Variants in SPATS2 observed in about 807,000 individuals in gnomAD.
SPATS2 encodes spermatogenesis associated serine rich 2.
A neutral mutation model predicts 63.7 loss-of-function variants in SPATS2; 38 were observed. The ratio of observed to expected loss-of-function variants is 0.60; its 90% CI spans 0.46 to 0.78. SPATS2 has a LOEUF of 0.78. Among genes scored for constraint, SPATS2 ranks in the 30% least tolerant of loss-of-function variants. SPATS2 has a pLI of 0.00. For synonymous variants in SPATS2, 207 were observed against 232.9 expected, an observed-to-expected ratio of 0.89 and a Z score of 1.01; for missense variants, 588 against 666.2, an observed-to-expected ratio of 0.88 and a Z score of 1.29.
At chr12:49,486,237 C>T in intron 4 of SPATS2, 1 of 453,166 alleles carries the variant, frequency 2.2e-6, no homozygotes, top group Non-Finnish European at 4.4e-6. Flanking sequence ...TGGAATTTCA[C>T]TCTGTCGTCC....
chr12:49,473,439 AT>A (rs1186923237), intron 3 of SPATS2, among the ~76,000 whole-genome samples: 2 of 152,186 alleles, frequency 1.3e-5, no homozygotes, highest in African/African-American at 4.8e-5. Context: ...ACAAAAAAAA[AT>A]CTCAAACACT....
chr12:49,495,093 T>C, intron 7 of SPATS2, 91 bp downstream of exon 7: 1 of 1,329,506 alleles, frequency 7.5e-7, no homozygotes, highest in Non-Finnish European at 9.9e-7. Flanking sequence ...ATCTAGTTAG[T>C]CTTTTTTTAT....
chr12:49,465,665 C>T (rs529969301), intron 3 of SPATS2, among the ~76,000 whole-genome samples: 7 of 152,178 alleles, frequency 4.6e-5, no homozygotes, highest in South Asian at 4.1e-4. Flanking sequence ...CTTAATGGGC[C>T]GGGCGCGGTG....
intron 10 of SPATS2, among the ~76,000 whole-genome samples, chr12:49,517,254 G>A (rs1565761471): frequency 6.6e-6 from 1 of 152,180 alleles, no homozygotes; most frequent in Non-Finnish European, 1.5e-5. Context: ...AGAAACTTTT[G>A]TAGGCATGCT....
intron 2 of SPATS2, among the ~76,000 whole-genome samples, chr12:49,439,655 G>C (rs1945381151): frequency 6.6e-6 from 1 of 151,606 alleles, no homozygotes; most frequent in Non-Finnish European, 1.5e-5. Context: ...ACTTGGGAAA[G>C]TGTATGCTTT....
chr12:49,445,622 A>G (rs887854417), intron 2 of SPATS2, among the ~76,000 whole-genome samples: 1 of 151,944 alleles, frequency 6.6e-6, no homozygotes, highest in African/African-American at 2.4e-5. Context: ...GGTTCAAGTG[A>G]TCCTACTCCC....
chr12:49,424,919 A>T (rs2137440869), intron 2 of SPATS2, among the ~76,000 whole-genome samples: 1 of 152,294 alleles, frequency 6.6e-6, no homozygotes, highest in South Asian at 2.1e-4. Flanking sequence ...ACCTCGGATG[A>T]TCCACTCCCG....
intron 2 of SPATS2, among the ~76,000 whole-genome samples, chr12:49,458,839 A>G (rs915692115): frequency 6.6e-6 from 1 of 152,080 alleles, no homozygotes; most frequent in Admixed American, 6.6e-5. Context: ...AGTAATATAG[A>G]AAAACAGCAT....
chr12:49,462,779 A>G, intron 3 of SPATS2: 1 of 358,376 alleles, frequency 2.8e-6, no homozygotes, highest in Non-Finnish European at 5.2e-6. Context: ...TTACACCATC[A>G]AGCTGTCCCT....
At chr12:49,449,204 T>C (rs949348634) in intron 2 of SPATS2, among the ~76,000 whole-genome samples, 7 of 152,130 alleles carry the variant, frequency 4.6e-5, no homozygotes, top group South Asian at 4.1e-4. Context: ...TTCTGTCTGT[T>C]TTTTTTGTTT....
intron 2 of SPATS2, among the ~76,000 whole-genome samples, chr12:49,425,822 G>T (rs1405429622): frequency 6.6e-6 from 1 of 151,712 alleles, no homozygotes; most frequent in South Asian, 2.1e-4. Flanking sequence ...AGTAGAGACG[G>T]GGGTTTCACC....
intron 2 of SPATS2, among the ~76,000 whole-genome samples, chr12:49,422,719 C>T (rs528024540): frequency 2.1e-4 from 32 of 152,128 alleles, no homozygotes; most frequent in African/African-American, 7.7e-4. Flanking sequence ...TCAGCCTGCG[C>T]AAGGCAACAT....
chr12:49,372,899 GTC>G (rs1338290758), intron 2 of SPATS2, among the ~76,000 whole-genome samples: 3 of 149,194 alleles, frequency 2.0e-5, no homozygotes, highest in Non-Finnish European at 4.5e-5. Context: ...GCAGTGAACT[GTC>G]TCTTAGGATG....
chr12:49,405,151 A>G (rs937307734), intron 2 of SPATS2, among the ~76,000 whole-genome samples: 1 of 152,180 alleles, frequency 6.6e-6, no homozygotes, highest in Non-Finnish European at 1.5e-5. Flanking sequence ...TCATTGTACC[A>G]TGTGTGTATG....
Position 49,494,848 on chromosome 12 carries a change from A to G in SPATS2, c.372A>G (p.Ser124=), listed in dbSNP as rs776711069. The G allele has an allele frequency of 5.6e-6, 9 of 1,614,060 alleles. 1 individual carries two copies. In the South Asian group the frequency reaches 9.9e-5, roughly 18 times the overall value. Residue 124 remains serine (S), a synonymous_variant, in exon 7 of 14, where the codon TCA becomes TCG. Coordinates refer to ENST00000552918, the MANE Select transcript of SPATS2 (RefSeq NM_023071.4). ...SIQEEQSAPS[S]EKGGMNGYHV... ...AAGAGGAACAGTCTGCGCCTTCCTC[A>G]GAGAAAGGTGGTATGAATGGCTACC...
intron 1 of SPATS2, among the ~76,000 whole-genome samples, chr12:49,370,775 TC>T (rs994844232): frequency 6.6e-6 from 1 of 152,092 alleles, no homozygotes. Context: ...GTTTGTTTAC[TC>T]CCCCCCAACC....
intron 2 of SPATS2, chr12:49,389,613 C>A: frequency 8.9e-7 from 1 of 1,117,334 alleles, no homozygotes; most frequent in Non-Finnish European, 1.4e-6. Context: ...ATTGAGCAAA[C>A]CACAGCTCTC....
At chr12:49,461,219 C>G (rs1945816384) in intron 3 of SPATS2, 182 bp downstream of exon 3, 1 of 644,566 alleles carries the variant, frequency 1.6e-6, no homozygotes, top group African/African-American at 1.9e-5. Context: ...AATAGCTTTT[C>G]TACTCACACA....
At chr12:49,435,143 G>T (rs1045601902) in intron 2 of SPATS2, among the ~76,000 whole-genome samples, 1 of 148,210 alleles carries the variant, frequency 6.7e-6, no homozygotes, top group Admixed American at 7.0e-5. Flanking sequence ...CCATTCTCCT[G>T]CCTCAGCCTC....
Sources: gnomAD v4.1 joint callset for allele counts (sites outside exome capture counted in the v4.1 genomes callset) on GRCh38, gnomAD v4.1.1 for gene constraint, MANE v1.5 for transcripts, NCBI Gene and HGNC (gene_info 2026-07-23, HGNC 2026-07-21) for gene names.